CHST9: variants seen among roughly 807,000 people sequenced by gnomAD.
The protein encoded by CHST9 is GalNAc-4-sulfotransferase 2.
Under a neutral mutation model 44.4 loss-of-function variants are expected in CHST9, and 41 were observed. The ratio of observed to expected loss-of-function variants is 0.92; its 90% CI spans 0.72 to 1.20. The LOEUF is 1.20. CHST9 is among the 50% of genes most tolerant of loss of function. The probability of loss-of-function intolerance (pLI) is 0.00; values close to 1 mark genes in which losing one functional copy is unlikely to be tolerated. For synonymous variants in CHST9, 171 were observed against 178.4 expected, an observed-to-expected ratio of 0.96 and a Z score of 0.33; for missense variants, 504 against 516.5, an observed-to-expected ratio of 0.98 and a Z score of 0.23.
chr18:27,110,588 G>A (rs1036424244), intron 2 of CHST9, among the ~76,000 whole-genome samples: 3 of 152,156 alleles, frequency 2.0e-5, no homozygotes, highest in African/African-American at 7.2e-5. Context: ...GGCCTCAGTT[G>A]TTTCTAGGTT....
chr18:27,027,287 A>G (rs1430969690), intron 3 of CHST9, among the ~76,000 whole-genome samples: 1 of 152,230 alleles, frequency 6.6e-6, no homozygotes, highest in Non-Finnish European at 1.5e-5. Flanking sequence ...TAAAGTTGAA[A>G]TAGGGTTACA....
chr18:27,114,222 G>A (rs181028402), intron 2 of CHST9, among the ~76,000 whole-genome samples: 10 of 152,176 alleles, frequency 6.6e-5, no homozygotes, highest in African/African-American at 2.4e-4. Context: ...TTATAACGAC[G>A]GAATCTTTAT....
At chr18:27,049,938 G>A (rs908475005) in intron 2 of CHST9, among the ~76,000 whole-genome samples, 10 of 152,118 alleles carry the variant, frequency 6.6e-5, no homozygotes, top group African/African-American at 1.9e-4. Flanking sequence ...GTAGGCCCAC[G>A]GGAAGTCAGA....
chr18:27,162,270 T>C (rs1241376922), intron 1 of CHST9, among the ~76,000 whole-genome samples: 33 of 152,170 alleles, frequency 2.2e-4, no homozygotes, highest in Admixed American at 2.1e-3. Context: ...CCATGTTTAG[T>C]GCTTCCTTCA....
chr18:26,950,640 A>T (rs928733437), intron 4 of CHST9, among the ~76,000 whole-genome samples: 11 of 152,184 alleles, frequency 7.2e-5, no homozygotes, highest in Admixed American at 2.6e-4. Context: ...CAAATATCAC[A>T]TGTTCTCATT....
Position 26,944,317 on chromosome 18 carries a change from A to G in CHST9, c.240+12T>C. On this transcript the variant is annotated intron_variant, in intron 5 of 5. Coordinates refer to ENST00000618847, the MANE Select transcript of CHST9 (RefSeq NM_031422.6). ...AATTCTATATTAGAGTTTACGAGAA[A>G]TGAGAGAATACCTGGTTGGTGATAT... 1 of 1,600,420 alleles carries G rather than the reference A, an allele frequency of 6.2e-7. No individual in the cohort carries two copies. The highest frequency in any genetic ancestry group is 8.6e-7 in the Non-Finnish European group (1 of 1,168,112).
intron 4 of CHST9, among the ~76,000 whole-genome samples, chr18:26,961,501 C>A (rs1248645884): frequency 6.6e-6 from 1 of 152,004 alleles, no homozygotes; most frequent in Non-Finnish European, 1.5e-5. Context: ...GCAATCATAG[C>A]TCACTGCAGC....
intron 2 of CHST9, 40 bp downstream of exon 2, chr18:27,142,649 A>G (rs775521209): frequency 2.1e-6 from 3 of 1,426,404 alleles, no homozygotes; most frequent in Non-Finnish European, 1.9e-6. Flanking sequence ...AATAGCTATT[A>G]TTGTTACAAT....
At chr18:27,051,069 G>A (rs1242800052) in intron 2 of CHST9, among the ~76,000 whole-genome samples, 1 of 152,128 alleles carries the variant, frequency 6.6e-6, no homozygotes, top group African/African-American at 2.4e-5. Context: ...TGTAATCAAG[G>A]ATTTTGTGGG....
intron 5 of CHST9, among the ~76,000 whole-genome samples, chr18:26,920,298 C>T (rs533177474): frequency 3.7e-4 from 56 of 152,290 alleles, no homozygotes; most frequent in Non-Finnish European, 7.1e-4. Flanking sequence ...CACTGTTACC[C>T]AGGTCTTAAC....
At chr18:27,033,035 T>C (rs1277371316) in intron 3 of CHST9, among the ~76,000 whole-genome samples, 1 of 152,208 alleles carries the variant, frequency 6.6e-6, no homozygotes. Flanking sequence ...CATCACACAC[T>C]TTACCTGAAA....
At position 26,975,723 on chromosome 18, in the gene CHST9, GTGTATATATATATATATATA is replaced by G. The variant is rs1192377362; in HGVS notation, c.203-31377_203-31358del. Among the ~76,000 whole-genome samples, 317 of 59,356 alleles carry G rather than the reference GTGTATATATATATATATATA, an allele frequency of 5.3e-3. 2 individuals carry two copies. Among genetic ancestry groups the G allele is most frequent in the Middle Eastern group, 8.8e-3 (1 of 114 alleles). 38.9% of individuals were successfully genotyped at this position (59,356 alleles called of 152,430 possible). A position where few individuals can be genotyped will look rare whatever the true frequency, so the allele number is the denominator to read the frequency against. On this transcript the variant is annotated intron_variant, in intron 4 of 5. Transcript: ENST00000618847. The stretch of plus-strand genomic sequence containing the variant: ...TATGTGTATATATGTGTGTGTGTGT[GTGTATATATATATATATATA>G]TATATATATATATATATATATAACA...
rs936525694 is a variant in CHST9, at chr18:26,915,146, A to C, written c.*1113T>G. The C allele has an allele frequency of 2.5e-6, 1 of 393,364 alleles. No homozygotes were observed. 24.4% of individuals were successfully genotyped at this position (393,364 alleles called of 1,614,324 possible). On this transcript the variant is annotated 3_prime_UTR_variant, in exon 6 of 6. Coordinates refer to ENST00000618847, the MANE Select transcript of CHST9 (RefSeq NM_031422.6). Reference sequence around the variant, plus strand: ...GTATAGAATATTTAAACTTAAAAAGAAAATACCTTAATTTACTTATGCATA... The same window carrying C: ...GTATAGAATATTTAAACTTAAAAAGCAAATACCTTAATTTACTTATGCATA...
chr18:26,975,522 T>G (rs1432652836), intron 4 of CHST9, among the ~76,000 whole-genome samples: 1 of 151,848 alleles, frequency 6.6e-6, no homozygotes, highest in Non-Finnish European at 1.5e-5. Context: ...AGTGAGAACA[T>G]GCAGTATTTG....
Position 26,916,401 on chromosome 18 carries a change from T to A in CHST9, c.1190A>T (p.Asp397Val). The A allele has an allele frequency of 6.2e-7, 1 of 1,613,808 alleles. No homozygotes were observed. The highest frequency in any genetic ancestry group is 8.5e-7 in the Non-Finnish European group (1 of 1,179,734). Reference sequence around the variant, plus strand: ...GGTTCTTTCATCGGAAGAGTGCCTATCCTTAAAGTTGGGAAATTTCAGCTC... The same window carrying A: ...GGTTCTTTCATCGGAAGAGTGCCTAACCTTAAAGTTGGGAAATTTCAGCTC... ...PKELKFPNFKDRHSSDERTNA... is the reference protein window; with the variant it reads ...PKELKFPNFKVRHSSDERTNA... Residue 397 changes from aspartate to valine, a missense_variant, in exon 6 of 6, where the codon GAT becomes GTT. Transcript: ENST00000618847.
Position 26,916,320 on chromosome 18 carries a change from A to G in CHST9, c.1271T>C (p.Leu424Ser), listed in dbSNP as rs746718413. 1.2e-6 allele frequency: 2 copies of G among 1,608,262 alleles called. No homozygotes were observed. The highest frequency in any genetic ancestry group is 1.7e-6 in the Non-Finnish European group (2 of 1,175,118). Reference sequence around the variant, plus strand: ...GTCCAAGTAATAAAAGTCATAGATTAATTGTCTCTCAGTTCTAGTCAGATC... The same window carrying G: ...GTCCAAGTAATAAAAGTCATAGATTGATTGTCTCTCAGTTCTAGTCAGATC... The part of the protein sequence containing the change: ...LKDLTRTERQ[L>S]IYDFYYLDYL... Residue 424 changes from leucine to serine, a missense_variant, in exon 6 of 6, where the codon TTA becomes TCA. Leu to Ser is a moderately radical substitution (Grantham distance 145). Transcript: ENST00000618847.
chr18:26,952,585 G>A (rs1482078965), intron 4 of CHST9: 30 of 356,538 alleles, frequency 8.4e-5, no homozygotes, highest in Middle Eastern at 1.0e-3. Context: ...AGGCTCTAAC[G>A]TGTGAAATAA....
chr18:27,002,451 G>A (rs1386162480), intron 4 of CHST9, among the ~76,000 whole-genome samples: 1 of 152,072 alleles, frequency 6.6e-6, no homozygotes, highest in Non-Finnish European at 1.5e-5. Flanking sequence ...TTTTACAGTG[G>A]TGCAAAAGCT....
chr18:27,060,270 G>C lies in CHST9; in HGVS notation c.122-11767C>G, dbSNP rs1233513937. ...CAACTGCTAGGGCCTTCAAGTGGGG[G>C]CTGGAAGTGGGCCTGTACCTAATAA... On this transcript the variant is annotated intron_variant, in intron 2 of 5. Transcript: ENST00000618847. 4.6e-5 allele frequency among the ~76,000 whole-genome samples: 7 copies of C among 152,350 alleles called. No individual in the cohort carries two copies. In the South Asian group the frequency reaches 1.4e-3, roughly 32 times the overall value.
Sources: allele counts gnomAD v4.1 joint callset (sites outside exome capture counted in the v4.1 genomes callset), GRCh38; gene constraint gnomAD v4.1.1; transcripts MANE v1.5; gene names NCBI Gene and HGNC (gene_info 2026-07-23, HGNC 2026-07-21).